Variants in LRIF1 observed in about 807,000 individuals in gnomAD.
The protein encoded by LRIF1 is ligand-dependent nuclear receptor-interacting factor 1.
A neutral mutation model predicts 52.7 loss-of-function variants in LRIF1; 32 were observed. The ratio of observed to expected loss-of-function variants is 0.61; its 90% CI spans 0.46 to 0.82. The LOEUF is 0.82. LRIF1 is among the 40% of genes least tolerant of loss of function. The probability of loss-of-function intolerance (pLI) is 0.00; values close to 1 mark genes in which losing one functional copy is unlikely to be tolerated. For synonymous variants in LRIF1, 323 were observed against 317.4 expected (o/e 1.02, Z -0.19); for missense variants, 887 against 892.0 (o/e 0.99, Z 0.07).
the LRIF1 span, among the ~76,000 whole-genome samples, chr1:110,933,613 G>C: frequency 2.6e-5 from 4 of 152,150 alleles, no homozygotes; most frequent in Admixed American, 6.5e-5. Flanking sequence ...AAACTCACCT[G>C]ATGCCCACCC....
At chr1:110,921,420 T>G in the LRIF1 span, among the ~76,000 whole-genome samples, 1 of 152,250 alleles carries the variant, frequency 6.6e-6, no homozygotes, top group South Asian at 2.1e-4. Context: ...AATCCAAATA[T>G]TTCAATGGAA....
the LRIF1 span, chr1:110,942,002 T>G: frequency 6.6e-6 from 1 of 152,104 alleles, no homozygotes; most frequent in Admixed American, 6.6e-5. Context: ...TTTGCTTTTT[T>G]CATTTGACAG....
Position 110,949,843 on chromosome 1 carries a change from T to C in LRIF1, c.1869+8A>G, listed in dbSNP as rs982012803. The C allele has an allele frequency of 5.6e-6, 9 of 1,611,564 alleles. No homozygotes were observed. In the African/African-American group the frequency reaches 9.4e-5, roughly 17 times the overall value. ...CCTATGAAGAGCACATTAAAATGTATTACCTACCTGTTTTCTCTCTCCTTC... is the reference window on the plus strand; with the variant it reads ...CCTATGAAGAGCACATTAAAATGTACTACCTACCTGTTTTCTCTCTCCTTC... On this transcript the variant is annotated splice_region_variant and intron_variant, in intron 3 of 3. Coordinates refer to ENST00000369763, the MANE Select transcript of LRIF1 (RefSeq NM_018372.4).
chr1:110,886,880 C>A, the LRIF1 span, among the ~76,000 whole-genome samples: 3 of 51,888 alleles, frequency 5.8e-5, no homozygotes, highest in African/African-American at 1.4e-4. Flanking sequence ...TTTTTTTTTT[C>A]TGTCTGTGTT....
intron 1 of LRIF1, among the ~76,000 whole-genome samples, chr1:110,958,213 A>G (rs1317073700): frequency 6.6e-6 from 1 of 152,230 alleles, no homozygotes. Context: ...CTCTTACCAG[A>G]GAGATCTCTT....
rs187031492 is a variant in LRIF1 at position 110,962,182 on chromosome 1, G to A, written c.68+1439C>T. Reference sequence around the variant, plus strand: ...ATAAATTAAGCTAAGTCAGAAGTCAGTAAGTATTCAGGTACTAAAATAAGG... The same window carrying A: ...ATAAATTAAGCTAAGTCAGAAGTCAATAAGTATTCAGGTACTAAAATAAGG... On this transcript the variant is annotated intron_variant, in intron 1 of 3. Coordinates refer to ENST00000369763, the MANE Select transcript of LRIF1 (RefSeq NM_018372.4). Among the ~76,000 whole-genome samples the A allele has an allele frequency of 1.4e-4, 22 of 151,826 alleles. No individual in the cohort carries two copies. In the East Asian group the frequency reaches 3.7e-3, roughly 25 times the overall value.
At chr1:110,933,775 A>G in the LRIF1 span, among the ~76,000 whole-genome samples, 1 of 152,144 alleles carries the variant, frequency 6.6e-6, no homozygotes, top group Non-Finnish European at 1.5e-5. Context: ...AAGGACTACA[A>G]CTCACAGGTG....
Position 110,952,811 on chromosome 1 carries a change from A to G in LRIF1, c.73T>C (p.Ser25Pro), listed in dbSNP as rs1406620230. ...ENSGNASRCV[S>P]GCMYQVVQTI... The stretch of plus-strand genomic sequence containing the variant: ...TGAACTACTTGGTACATGCAGCCTG[A>G]AACACTTAAAAGAACATTGAGTAAA... The change falls in exon 2 of 4, where the codon TCA (serine) becomes CCA (proline). Residue 25 changes from serine to proline, a missense_variant. Ser to Pro is a moderately conservative substitution (Grantham distance 74). Coordinates refer to ENST00000369763, the MANE Select transcript of LRIF1 (RefSeq NM_018372.4). The G allele has an allele frequency of 6.3e-7, 1 of 1,576,386 alleles. No homozygotes were observed. Among genetic ancestry groups the G allele is most frequent in the Non-Finnish European group, 8.6e-7 (1 of 1,159,904 alleles).
the LRIF1 span, chr1:110,894,163 AG>A: frequency 1.6e-6 from 1 of 633,768 alleles, no homozygotes; most frequent in Non-Finnish European, 2.9e-6. Flanking sequence ...TTGTAGAAAA[AG>A]AACACATATT....
chr1:110,931,052 G>A, the LRIF1 span, among the ~76,000 whole-genome samples: 1 of 151,886 alleles, frequency 6.6e-6, no homozygotes, highest in Non-Finnish European at 1.5e-5. Context: ...TATTACATAG[G>A]TATACATGTG....
chr1:110,887,474 C>T, the LRIF1 span, among the ~76,000 whole-genome samples: 3 of 152,146 alleles, frequency 2.0e-5, no homozygotes, highest in African/African-American at 7.2e-5. Flanking sequence ...TCTTGCATGC[C>T]TGATATTTTG....
At chr1:110,919,726 T>C in the LRIF1 span, among the ~76,000 whole-genome samples, 49 of 152,184 alleles carry the variant, frequency 3.2e-4, no homozygotes, top group Non-Finnish European at 8.8e-5. Context: ...AATGAAAATG[T>C]CTTTCAAAAT....
At chr1:110,884,684 T>TTA in the LRIF1 span, among the ~76,000 whole-genome samples, 2 of 151,128 alleles carry the variant, frequency 1.3e-5, no homozygotes, top group African/African-American at 4.9e-5. Context: ...AATCAGTCCC[T>TTA]TTATAAAGTA....
chr1:110,960,306 A>G (rs931588778), intron 1 of LRIF1, among the ~76,000 whole-genome samples: 12 of 152,166 alleles, frequency 7.9e-5, no homozygotes, highest in African/African-American at 2.9e-4. Flanking sequence ...TTTAGACTCT[A>G]TAGTATGTGT....
At chr1:110,950,200 T>C in intron 2 of LRIF1, 77 bp from the exon 3 acceptor site, 2 of 1,455,402 alleles carry the variant, frequency 1.4e-6, no homozygotes, top group Non-Finnish European at 1.8e-6. Context: ...TAAGTGATTA[T>C]TTCATCTTAC....
rs956679461 is a variant in LRIF1, at chr1:110,951,524, T to C, written c.1360A>G (p.Thr454Ala). 5 of 1,614,052 alleles carry C rather than the reference T, an allele frequency of 3.1e-6. No homozygotes were observed. Among genetic ancestry groups the C allele is most frequent in the Non-Finnish European group, 4.2e-6 (5 of 1,180,028 alleles). Residue 454 changes from threonine to alanine, a missense_variant, in exon 2 of 4, where the codon ACC (threonine) becomes GCC (alanine). Coordinates refer to ENST00000369763, the MANE Select transcript of LRIF1 (RefSeq NM_018372.4). ...GATTGGTTCATATGTGGATTTGTGG[T>C]AGAAGGAGATGGTTTCTCCACTTTA... ...KNKVEKPSPS[T>A]TNPHMNQSSN...
At chr1:110,876,735 G>C in the LRIF1 span, among the ~76,000 whole-genome samples, 1 of 152,050 alleles carries the variant, frequency 6.6e-6, no homozygotes, top group Non-Finnish European at 1.5e-5. Flanking sequence ...ATTTTGAGAT[G>C]AGAATCCCTT....
chr1:110,896,664 T>C, the LRIF1 span: 4 of 1,613,116 alleles, frequency 2.5e-6, no homozygotes, highest in Admixed American at 1.7e-5. Context: ...TGCAGTGTTG[T>C]GGTATAAATG....
At chr1:110,882,402 T>A in the LRIF1 span, among the ~76,000 whole-genome samples, 7 of 152,220 alleles carry the variant, frequency 4.6e-5, no homozygotes, top group East Asian at 1.3e-3. Context: ...GTTGTCCATA[T>A]GCATATGGAC....
Sources: allele counts gnomAD v4.1 joint callset (sites outside exome capture counted in the v4.1 genomes callset), GRCh38; gene constraint gnomAD v4.1.1; transcripts MANE v1.5; gene names NCBI Gene and HGNC (gene_info 2026-07-23, HGNC 2026-07-21).